The following PIK3C2A variants were observed in gnomAD, a reference collection of about 807,000 sequenced individuals.
PIK3C2A encodes the protein phosphatidylinositol 4-phosphate 3-kinase C2 domain-containing subunit alpha.
In PIK3C2A, 97 loss-of-function variants were observed where a neutral mutation model predicts 204.5. That is an observed-to-expected ratio of 0.47 (90% CI 0.40 to 0.56). The LOEUF (loss-of-function observed/expected upper bound fraction) is 0.56. Ranked by LOEUF, PIK3C2A falls within the 20% of genes least tolerant of loss-of-function variation. The pLI is 0.00. For synonymous variants in PIK3C2A, 653 were observed against 664.4 expected, an observed-to-expected ratio of 0.98 and a Z score of 0.26; for missense variants, 1,735 against 1,969.2, an observed-to-expected ratio of 0.88 and a Z score of 2.25.
intron 20 of PIK3C2A, among the ~76,000 whole-genome samples, chr11:17,113,806 G>A (rs1170664628): frequency 1.3e-5 from 2 of 148,918 alleles, no homozygotes; most frequent in Admixed American, 6.7e-5. Flanking sequence ...AAAAGGCCAG[G>A]CATGGTGGCT....
intron 8 of PIK3C2A, chr11:17,141,420 C>T (rs1282741284): frequency 6.6e-6 from 1 of 151,890 alleles, no homozygotes; most frequent in Admixed American, 6.6e-5. Flanking sequence ...CAGGTACACG[C>T]CACCATACCC....
At chr11:17,150,718 C>G in intron 3 of PIK3C2A, 63 bp from the exon 4 acceptor site, 1 of 1,216,902 alleles carries the variant, frequency 8.2e-7, no homozygotes, top group East Asian at 2.6e-5. Context: ...GGGCTCTGAA[C>G]AAGGCTTTAC....
At chr11:17,094,040 GA>G (rs1263172928) in intron 28 of PIK3C2A, among the ~76,000 whole-genome samples, 1 of 152,170 alleles carries the variant, frequency 6.6e-6, no homozygotes, top group Non-Finnish European at 1.5e-5. Flanking sequence ...TTAGAAGTCT[GA>G]AAATCTCATA....
rs564568481 is a variant in PIK3C2A, at chr11:17,089,505, T to C, written c.*233A>G. 21 of 441,248 alleles carry C rather than the reference T, an allele frequency of 4.8e-5. No individual in the cohort carries two copies. The highest frequency in any genetic ancestry group is 3.8e-4 in the African/African-American group (19 of 50,536). 27.3% of individuals were successfully genotyped at this position (441,248 alleles called of 1,614,324 possible). ...AGTTTAGGGTTTGTAGCATTCTACA[T>C]AATGACTTTAAAACAGCAATGGCTT... On this transcript the variant is annotated 3_prime_UTR_variant, in exon 33 of 33. Transcript: ENST00000691414.
intron 1 of PIK3C2A, chr11:17,193,889 A>AGGGG (rs1852040456): frequency 1.8e-5 from 3 of 171,138 alleles, no homozygotes; most frequent in Admixed American, 9.4e-5. Context: ...AAAGAAAAGA[A>AGGGG]AAGAAAAGAA....
intron 1 of PIK3C2A, among the ~76,000 whole-genome samples, chr11:17,203,285 G>A (rs1186398571): frequency 6.6e-6 from 1 of 151,026 alleles, no homozygotes; most frequent in Non-Finnish European, 1.5e-5. Flanking sequence ...TTGAGGCCAG[G>A]AGTTCAAGAC....
intron 6 of PIK3C2A, among the ~76,000 whole-genome samples, chr11:17,146,625 G>A (rs959576100): frequency 2.0e-5 from 3 of 151,852 alleles, no homozygotes; most frequent in African/African-American, 7.3e-5. Flanking sequence ...AGAGGCTGAG[G>A]CATGAGAATC....
At chr11:17,185,872 C>T (rs1851734165) in intron 1 of PIK3C2A, among the ~76,000 whole-genome samples, 1 of 152,206 alleles carries the variant, frequency 6.6e-6, no homozygotes, top group Non-Finnish European at 1.5e-5. Flanking sequence ...CTCCTTTCCC[C>T]ACCTTCAGAC....
At chr11:17,094,777 C>G (rs1848405623) in intron 27 of PIK3C2A, among the ~76,000 whole-genome samples, 1 of 152,108 alleles carries the variant, frequency 6.6e-6, no homozygotes, top group Admixed American at 6.6e-5. Flanking sequence ...GCAAAAAAAC[C>G]TCCTTTCCTG....
chr11:17,092,602 G>A (rs1405104363), intron 28 of PIK3C2A, among the ~76,000 whole-genome samples: 1 of 152,138 alleles, frequency 6.6e-6, no homozygotes, highest in African/African-American at 2.4e-5. Context: ...AACCTGGGAA[G>A]CGGAAGTTGC....
intron 22 of PIK3C2A, among the ~76,000 whole-genome samples, chr11:17,109,901 C>T (rs1848940966): frequency 6.6e-6 from 1 of 152,080 alleles, no homozygotes; most frequent in African/African-American, 2.4e-5. Context: ...AATTAATGGA[C>T]ACCTCTGATT....
At chr11:17,115,637 T>G (rs1849159185) in intron 19 of PIK3C2A, 1 of 151,962 alleles carries the variant, frequency 6.6e-6, no homozygotes, top group Non-Finnish European at 1.5e-5. Flanking sequence ...ATATATGTGG[T>G]CAACTTTTTT....
rs113021920 is a variant in PIK3C2A at position 17,105,442 on chromosome 11, A to G, written c.3545-137T>C. On this transcript the variant is annotated intron_variant, in intron 22 of 32. Transcript: ENST00000691414. ...CGTGCAGAATGTGCAAGTTTGTTACATAGGTATACATGTGCCATGGTGGTT... is the reference window on the plus strand; with the variant it reads ...CGTGCAGAATGTGCAAGTTTGTTACGTAGGTATACATGTGCCATGGTGGTT... 4.3e-4 allele frequency: 292 copies of G among 676,074 alleles called. 1 individual carries two copies. In the African/African-American group the frequency reaches 4.3e-3, roughly 10 times the overall value. 41.9% of individuals were successfully genotyped at this position (676,074 alleles called of 1,614,324 possible). A position where few individuals can be genotyped will look rare whatever the true frequency, so the allele number is the denominator to read the frequency against.
Position 17,087,787 on chromosome 11 carries a change from ATGG to A in PIK3C2A, c.*1948_*1950del, listed in dbSNP as rs1276471789. 1 of 151,594 alleles carries A rather than the reference ATGG, an allele frequency of 6.6e-6. No individual in the cohort carries two copies. Among genetic ancestry groups the A allele is most frequent in the Non-Finnish European group, 1.5e-5 (1 of 67,968 alleles). The allele number at this position is 151,594 out of a possible 1,614,324, so 9.4% of individuals were successfully genotyped here. A position where few individuals can be genotyped will look rare whatever the true frequency, so the allele number is the denominator to read the frequency against. ...TGTTAATGATCTGTGGAAAAAGCAAATGGTGGTGCTTTGATCTGCATTTTAATT... is the reference window on the plus strand; with the variant it reads ...TGTTAATGATCTGTGGAAAAAGCAAATGGTGCTTTGATCTGCATTTTAATT... On this transcript the variant is annotated 3_prime_UTR_variant, in exon 33 of 33. Coordinates refer to ENST00000691414, the MANE Select transcript of PIK3C2A (RefSeq NM_002645.4).
intron 12 of PIK3C2A, 114 bp downstream of exon 12, chr11:17,131,802 A>G: frequency 1.2e-6 from 1 of 809,450 alleles, no homozygotes; most frequent in Non-Finnish European, 2.1e-6. Flanking sequence ...CATAAGTCAG[A>G]AGTTAATGAA....
intron 1 of PIK3C2A, among the ~76,000 whole-genome samples, chr11:17,202,187 C>T (rs914465825): frequency 6.9e-6 from 1 of 145,452 alleles, no homozygotes; most frequent in Non-Finnish European, 1.5e-5. Context: ...ACCCAGGAGG[C>T]GGAGGTTGCA....
chr11:17,201,806 A>C (rs898606959), intron 1 of PIK3C2A, among the ~76,000 whole-genome samples: 1 of 152,134 alleles, frequency 6.6e-6, no homozygotes, highest in African/African-American at 2.4e-5. Context: ...AAATAACTGA[A>C]GTACTTTTTG....
At chr11:17,193,851 A>G (rs138614801) in intron 1 of PIK3C2A, 5,196 of 45,174 alleles carry the variant, frequency 0.12, 465 homozygotes, top group Middle Eastern at 0.2. Flanking sequence ...TCTCAAAAAA[A>G]GAAAAGAAAA....
chr11:17,194,904 C>A (rs1852092735), intron 1 of PIK3C2A, among the ~76,000 whole-genome samples: 1 of 121,982 alleles, frequency 8.2e-6, no homozygotes, highest in Non-Finnish European at 1.7e-5. Context: ...AACGAAACTC[C>A]ATCTCGAAGA....
Sources: gnomAD v4.1 joint callset for allele counts (sites outside exome capture counted in the v4.1 genomes callset) on GRCh38, gnomAD v4.1.1 for gene constraint, MANE v1.5 for transcripts, NCBI Gene and HGNC (gene_info 2026-07-23, HGNC 2026-07-21) for gene names.